The following MEIS2 variants were observed in gnomAD, a reference collection of about 807,000 sequenced individuals.
MEIS2 encodes Meis homeobox 2.
A neutral mutation model predicts 58.6 loss-of-function variants in MEIS2; 9 were observed. The observed-to-expected ratio is 0.15, with a 90% CI of 0.09 to 0.27. The LOEUF (loss-of-function observed/expected upper bound fraction) is 0.27, where lower values mean the gene tolerates loss of function less well. Among genes scored for constraint, MEIS2 ranks in the 10% least tolerant of loss-of-function variants. The pLI is 1.00. For synonymous variants in MEIS2, 221 were observed against 228.4 expected, an observed-to-expected ratio of 0.97 and a Z score of 0.29; for missense variants, 427 against 635.0, an observed-to-expected ratio of 0.67 and a Z score of 3.52.
At chr15:36,965,462 G>C (rs1026880538) in intron 8 of MEIS2, among the ~76,000 whole-genome samples, 2 of 152,148 alleles carry the variant, frequency 1.3e-5, no homozygotes, top group Non-Finnish European at 2.9e-5. Context: ...ATACCTCTCT[G>C]TCCCTCCAGA....
At chr15:36,906,540 G>T (rs2056746360) in intron 9 of MEIS2, among the ~76,000 whole-genome samples, 1 of 150,772 alleles carries the variant, frequency 6.6e-6, no homozygotes, top group Non-Finnish European at 1.5e-5. Flanking sequence ...ATTGGAAATA[G>T]ATGAGAAATT....
chr15:37,036,600 C>T lies in MEIS2; in HGVS notation c.900+214G>A, dbSNP rs1017947006. The T allele has an allele frequency of 6.6e-6, 3 of 454,004 alleles. No homozygotes were observed. The Admixed American group carries it at 1.2e-4, about 18-fold the overall frequency. The allele number at this position is 454,004 out of a possible 1,614,324, so 28.1% of individuals were successfully genotyped here. A position where few individuals can be genotyped will look rare whatever the true frequency, so the allele number is the denominator to read the frequency against. ...GATCATTTTAAATAAAGTCCATTCC[C>T]AGCTTCTTAAAACAAAAACCTGCTA... On this transcript the variant is annotated intron_variant, in intron 8 of 11. Transcript: ENST00000561208.
At chr15:36,969,563 G>A in intron 8 of MEIS2, among the ~76,000 whole-genome samples, 1 of 152,124 alleles carries the variant, frequency 6.6e-6, no homozygotes, top group South Asian at 2.1e-4. Flanking sequence ...ACATACATAG[G>A]AAAATTTGAA....
intron 7 of MEIS2, among the ~76,000 whole-genome samples, chr15:37,076,947 A>C (rs1229494843): frequency 6.6e-6 from 1 of 152,044 alleles, no homozygotes; most frequent in East Asian, 1.9e-4. Flanking sequence ...TGGTTTGTTC[A>C]ATTTATATTT....
At chr15:37,009,180 T>C (rs2061034585) in intron 8 of MEIS2, among the ~76,000 whole-genome samples, 1 of 152,038 alleles carries the variant, frequency 6.6e-6, no homozygotes, top group South Asian at 2.1e-4. Flanking sequence ...TCCCAGCTAC[T>C]CGGGAGGCTG....
intron 9 of MEIS2, among the ~76,000 whole-genome samples, chr15:36,947,688 G>C (rs781478048): frequency 6.6e-6 from 1 of 151,856 alleles, no homozygotes; most frequent in African/African-American, 2.4e-5. Context: ...GGAGAAGTGG[G>C]CATTATTTCC....
intron 7 of MEIS2, among the ~76,000 whole-genome samples, chr15:37,042,008 C>T (rs1377994041): frequency 6.6e-6 from 1 of 151,956 alleles, no homozygotes; most frequent in Non-Finnish European, 1.5e-5. Flanking sequence ...GAGACCCTCT[C>T]TCTACAAAAA....
intron 4 of MEIS2, among the ~76,000 whole-genome samples, chr15:37,094,844 T>C (rs1894000946): frequency 6.6e-6 from 1 of 151,810 alleles, no homozygotes; most frequent in Non-Finnish European, 1.5e-5. Flanking sequence ...ACTGTGCTAT[T>C]TGTAAGACTG....
At chr15:36,949,310 A>G (rs1045537173) in intron 9 of MEIS2, among the ~76,000 whole-genome samples, 51 of 151,968 alleles carry the variant, frequency 3.4e-4, no homozygotes, top group African/African-American at 1.2e-3. Context: ...CAGAACCACA[A>G]AATCAATTGA....
intron 8 of MEIS2, among the ~76,000 whole-genome samples, chr15:36,958,909 T>C (rs2059086375): frequency 6.6e-6 from 1 of 152,216 alleles, no homozygotes; most frequent in Non-Finnish European, 1.5e-5. Context: ...ACGGCCAGAC[T>C]ACTTTTCCAA....
At chr15:37,019,046 G>C (rs2061438278) in intron 8 of MEIS2, among the ~76,000 whole-genome samples, 1 of 152,098 alleles carries the variant, frequency 6.6e-6, no homozygotes, top group African/African-American at 2.4e-5. Context: ...TATGTCATGG[G>C]GTGAGGGTTG....
At chr15:36,907,071 G>T (rs1019346305) in intron 9 of MEIS2, among the ~76,000 whole-genome samples, 4 of 152,118 alleles carry the variant, frequency 2.6e-5, no homozygotes, top group African/African-American at 9.7e-5. Flanking sequence ...TTTAGTAATG[G>T]AACTTATCAG....
chr15:36,998,935 C>T (rs1008373932), intron 8 of MEIS2, among the ~76,000 whole-genome samples: 6 of 152,246 alleles, frequency 3.9e-5, no homozygotes, highest in African/African-American at 1.4e-4. Context: ...TCTAACTATA[C>T]ATGACTAGTT....
At chr15:37,018,223 T>C (rs2061413744) in intron 8 of MEIS2, among the ~76,000 whole-genome samples, 1 of 152,220 alleles carries the variant, frequency 6.6e-6, no homozygotes, top group Admixed American at 6.5e-5. Flanking sequence ...AAAATCCATA[T>C]GCTCAAAATA....
In MEIS2 at chr15:36,914,713, T is replaced by C. The variant is rs1440503507; in HGVS notation, c.978-18027A>G. 2.6e-5 allele frequency among the ~76,000 whole-genome samples: 4 copies of C among 152,254 alleles called. No homozygotes were observed. The East Asian group carries it at 7.7e-4, about 29-fold the overall frequency. On this transcript the variant is annotated intron_variant, in intron 9 of 11. Transcript: ENST00000561208. ...TATCAGTGGCTTGAGGGTAGTAAGATTATATGGCCCTCAATTCCCAAACGT... is the reference window on the plus strand; with the variant it reads ...TATCAGTGGCTTGAGGGTAGTAAGACTATATGGCCCTCAATTCCCAAACGT...
At chr15:36,983,855 C>T (rs1271397243) in intron 8 of MEIS2, among the ~76,000 whole-genome samples, 1 of 151,906 alleles carries the variant, frequency 6.6e-6, no homozygotes, top group African/African-American at 2.4e-5. Context: ...TGTACAGATC[C>T]TTTGCCTACT....
intron 8 of MEIS2, among the ~76,000 whole-genome samples, chr15:36,977,968 T>C (rs979647776): frequency 1.1e-4 from 17 of 152,168 alleles, no homozygotes; most frequent in Admixed American, 5.9e-4. Context: ...AATTACCCAA[T>C]TGAAAACTTT....
rs115497166 is a variant in MEIS2 at position 36,997,370 on chromosome 15, C to T, written c.900+39444G>A. The stretch of plus-strand genomic sequence containing the variant: ...TCCACCTTTTTTGAGAAAGAATGAA[C>T]ATTTTGCTAACTTTGAGTTAGGAAA... On this transcript the variant is annotated intron_variant, in intron 8 of 11. Transcript: ENST00000561208. 5.3e-3 allele frequency among the ~76,000 whole-genome samples: 802 copies of T among 152,104 alleles called. 6 individuals are homozygous for T. The highest frequency in any genetic ancestry group is 0.019 in the African/African-American group (777 of 41,470).
At chr15:36,971,745 A>G (rs1025456461) in intron 8 of MEIS2, among the ~76,000 whole-genome samples, 1 of 152,106 alleles carries the variant, frequency 6.6e-6, no homozygotes, top group Admixed American at 6.5e-5. Context: ...TCAGAAATCA[A>G]TATTTCCTTA....
Sources: gnomAD v4.1 joint callset for allele counts (sites outside exome capture counted in the v4.1 genomes callset) on GRCh38, gnomAD v4.1.1 for gene constraint, MANE v1.5 for transcripts, NCBI Gene and HGNC (gene_info 2026-07-23, HGNC 2026-07-21) for gene names.